The following ENTREP2 variants were observed in gnomAD, a reference collection of about 807,000 sequenced individuals.
The protein encoded by ENTREP2 is protein ENTREP2.
chr15:29,674,847 C>G, the ENTREP2 span: 1 of 152,556 alleles, frequency 6.6e-6, no homozygotes, highest in South Asian at 2.1e-4. Flanking sequence ...GCCTCTCGCA[C>G]TAGCGCCCCG....
the ENTREP2 span, among the ~76,000 whole-genome samples, chr15:29,575,900 T>C: frequency 3.9e-5 from 6 of 152,316 alleles, no homozygotes; most frequent in East Asian, 9.6e-4. Flanking sequence ...AATATTAAGA[T>C]GACAACACCC....
At chr15:29,224,143 G>A in the ENTREP2 span, among the ~76,000 whole-genome samples, 28 of 152,210 alleles carry the variant, frequency 1.8e-4, no homozygotes, top group South Asian at 2.5e-3. Context: ...TGGTGGGTTC[G>A]TGGTCTCGCT....
At chr15:29,664,318 A>C in the ENTREP2 span, among the ~76,000 whole-genome samples, 1 of 152,128 alleles carries the variant, frequency 6.6e-6, no homozygotes, top group Non-Finnish European at 1.5e-5. Flanking sequence ...TATCTCTTTA[A>C]ACTTCACTGC....
chr15:29,124,694 A>G, the ENTREP2 span: 2 of 1,550,594 alleles, frequency 1.3e-6, no homozygotes, highest in African/African-American at 1.4e-5. Flanking sequence ...CACCGCTCCC[A>G]GGCACAGCCT....
chr15:29,282,246 G>A, the ENTREP2 span, among the ~76,000 whole-genome samples: 61 of 152,216 alleles, frequency 4.0e-4, no homozygotes, highest in Admixed American at 3.9e-3. Flanking sequence ...TAAGTCTCAC[G>A]AGATCTGATG....
At chr15:29,146,022 G>T in the ENTREP2 span, among the ~76,000 whole-genome samples, 2 of 152,152 alleles carry the variant, frequency 1.3e-5, no homozygotes, top group Non-Finnish European at 2.9e-5. Flanking sequence ...AGCAATGAAT[G>T]ATCTGAAAAT....
chr15:29,488,962 G>A, the ENTREP2 span, among the ~76,000 whole-genome samples: 2 of 152,212 alleles, frequency 1.3e-5, no homozygotes, highest in African/African-American at 4.8e-5. Context: ...GGGGCTAGGA[G>A]AGGGGAAATA....
At chr15:29,327,519 C>T in the ENTREP2 span, among the ~76,000 whole-genome samples, 1,411 of 149,332 alleles carry the variant, frequency 9.4e-3, 22 homozygotes, top group African/African-American at 0.033. Flanking sequence ...GGCGTGAACC[C>T]GGGAGGTAGA....
At chr15:29,172,255 T>A in the ENTREP2 span, among the ~76,000 whole-genome samples, 1 of 152,336 alleles carries the variant, frequency 6.6e-6, no homozygotes, top group African/African-American at 2.4e-5. Flanking sequence ...AGTTCCATCG[T>A]GATGTACTGA....
chr15:29,609,277 C>T, the ENTREP2 span, among the ~76,000 whole-genome samples: 1 of 150,254 alleles, frequency 6.7e-6, no homozygotes, highest in Non-Finnish European at 1.5e-5. Flanking sequence ...TTTATCTAAC[C>T]AGTCCCCTAT....
the ENTREP2 span, among the ~76,000 whole-genome samples, chr15:29,505,748 A>G: frequency 2.0e-5 from 3 of 152,168 alleles, no homozygotes; most frequent in Non-Finnish European, 2.9e-5. This position sits in a 1 kb window ranked among gnomAD's most constrained non-coding sequence, Gnocchi z 4.3. Context: ...CAAAAACACC[A>G]TCCGAGGGTC....
At chr15:29,311,510 C>T in the ENTREP2 span, among the ~76,000 whole-genome samples, 5 of 152,046 alleles carry the variant, frequency 3.3e-5, no homozygotes, top group African/African-American at 1.2e-4. Context: ...GCCAACATGG[C>T]GAAACCCTGT....
At chr15:29,229,379 T>G in the ENTREP2 span, among the ~76,000 whole-genome samples, 1 of 152,120 alleles carries the variant, frequency 6.6e-6, no homozygotes, top group Non-Finnish European at 1.5e-5. Context: ...ACTGTAAACA[T>G]GCTCAGTTTT....
the ENTREP2 span, among the ~76,000 whole-genome samples, chr15:29,207,368 G>C: frequency 6.9e-5 from 10 of 145,624 alleles, no homozygotes; most frequent in Admixed American, 2.2e-4. Context: ...CGAACCCAAA[G>C]AGTGAGTGAT....
chr15:29,486,425 G>T, the ENTREP2 span, among the ~76,000 whole-genome samples: 71,833 of 151,964 alleles, frequency 0.47, 18,383 homozygotes, highest in African/African-American at 0.69. Flanking sequence ...GCACAGTGGC[G>T]CACGCCTGTA....
chr15:29,136,105 T>C, the ENTREP2 span, among the ~76,000 whole-genome samples: 2 of 152,224 alleles, frequency 1.3e-5, no homozygotes, highest in Admixed American at 1.3e-4. Context: ...AGGCCCGGGC[T>C]GGCGTCTCTG....
At chr15:29,499,951 CACTA>C in the ENTREP2 span, among the ~76,000 whole-genome samples, 1 of 152,048 alleles carries the variant, frequency 6.6e-6, no homozygotes, top group African/African-American at 2.4e-5. Flanking sequence ...GGAGTGTATA[CACTA>C]ATATCAGATG....
chr15:29,615,875 C>A, the ENTREP2 span, among the ~76,000 whole-genome samples: 2 of 152,278 alleles, frequency 1.3e-5, no homozygotes, highest in East Asian at 3.9e-4. Flanking sequence ...AGGGATGATA[C>A]AGGGAAGCAG....
At chr15:29,654,376 T>G in the ENTREP2 span, among the ~76,000 whole-genome samples, 2 of 152,190 alleles carry the variant, frequency 1.3e-5, no homozygotes, top group Admixed American at 1.3e-4. Flanking sequence ...GTTTGTGCGG[T>G]TGGAGAATTC....
Sources: allele counts gnomAD v4.1 joint callset (sites outside exome capture counted in the v4.1 genomes callset), GRCh38; gene constraint gnomAD v4.1.1; non-coding constraint Gnocchi (gnomAD v3.1); transcripts MANE v1.5; gene names NCBI Gene and HGNC (gene_info 2026-07-23, HGNC 2026-07-21).